SLA2: variants seen among roughly 807,000 people sequenced by gnomAD.
The protein encoded by SLA2 is Src like adaptor 2, also known as src-like-adapter 2.
A neutral mutation model predicts 27.3 loss-of-function variants in SLA2; 22 were observed. The observed-to-expected ratio is 0.81, with a 90% CI of 0.58 to 1.15. The LOEUF (loss-of-function observed/expected upper bound fraction) is 1.15, where lower values mean the gene tolerates loss of function less well. Among genes scored for constraint, SLA2 ranks in the 50% most tolerant of loss-of-function variants. The pLI, the probability that SLA2 is intolerant of heterozygous loss-of-function variation, is 0.00. For synonymous variants in SLA2, 131 were observed against 137.8 expected, an observed-to-expected ratio of 0.95 and a Z score of 0.34; for missense variants, 304 against 322.2, an observed-to-expected ratio of 0.94 and a Z score of 0.43.
At chr20:36,623,060 GGA>G (rs994753473) in intron 5 of SLA2, among the ~76,000 whole-genome samples, 9 of 152,064 alleles carry the variant, frequency 5.9e-5, no homozygotes, top group Non-Finnish European at 1.3e-4. Flanking sequence ...CCTGAGGCCA[GGA>G]GTTCAAGACC....
rs1323036009 is a variant in SLA2, at chr20:36,636,635, T to A, written c.92-2046A>T. Among the ~76,000 whole-genome samples the A allele has an allele frequency of 4.3e-3, 584 of 136,700 alleles. 4 individuals are homozygous for A. The highest frequency in any genetic ancestry group is 0.014 in the African/African-American group (528 of 36,948). The allele number at this position is 136,700 out of a possible 152,430, so 89.7% of individuals were successfully genotyped here. A position where few individuals can be genotyped will look rare whatever the true frequency, so the allele number is the denominator to read the frequency against. On this transcript the variant is annotated intron_variant, in intron 2 of 7. Coordinates refer to ENST00000262866, the MANE Select transcript of SLA2 (RefSeq NM_032214.4). ...AGAAAAAAAAAAAAATATATATATA[T>A]ATATATATATATATATATGGTTGCA...
At chr20:36,618,964 GCCTGTAATCCCAACA>G (rs1458383320) in intron 5 of SLA2, among the ~76,000 whole-genome samples, 1 of 140,516 alleles carries the variant, frequency 7.1e-6, no homozygotes, top group Non-Finnish European at 1.5e-5. Flanking sequence ...GGTGGCTCAC[GCCTGTAATCCCAACA>G]CTTTGGGAGG....
intron 5 of SLA2, 151 bp downstream of exon 5, chr20:36,632,444 C>T (rs2039401793): frequency 6.4e-6 from 4 of 628,824 alleles, no homozygotes; most frequent in Non-Finnish European, 1.1e-5. Flanking sequence ...TTCATATGGG[C>T]AGGACACGGA....
rs746268549 is a variant in SLA2 at position 36,641,384 on chromosome 20, A to C, written c.-43-6T>G. 1 of 1,532,274 alleles carries C rather than the reference A, an allele frequency of 6.5e-7. No homozygotes were observed. 94.9% of individuals were successfully genotyped at this position (1,532,274 alleles called of 1,614,324 possible). A position where few individuals can be genotyped will look rare whatever the true frequency, so the allele number is the denominator to read the frequency against. The stretch of plus-strand genomic sequence containing the variant: ...AGCACATCATCGAGGGAAATCTGAA[A>C]GAGACACAGTGATGGGGACAGAGCC... On this transcript the variant is annotated splice_region_variant and splice_polypyrimidine_tract_variant and intron_variant, in intron 1 of 7. Coordinates refer to ENST00000262866, the MANE Select transcript of SLA2 (RefSeq NM_032214.4).
At chr20:36,630,857 A>G (rs546723079) in intron 5 of SLA2, among the ~76,000 whole-genome samples, 1 of 152,294 alleles carries the variant, frequency 6.6e-6, no homozygotes, top group Non-Finnish European at 1.5e-5. Context: ...GAAGCCCCAC[A>G]TGAATGTGCA....
Position 36,615,270 on chromosome 20 carries a change from G to T in SLA2, c.487C>A (p.Arg163Ser). 6.2e-7 allele frequency: 1 copy of T among 1,614,128 alleles called. No individual in the cohort carries two copies. The highest frequency in any genetic ancestry group is 1.3e-5 in the African/African-American group (1 of 75,026). The change falls in exon 6 of 8, where the codon CGC (arginine) becomes AGC (serine). Residue 163 changes from arginine (R) to serine (S), a missense_variant. Arg to Ser is a moderately radical substitution (Grantham distance 110, BLOSUM62 -1). Transcript: ENST00000262866. ...LDNGWLYISP[R>S]LTFPSLQALV... ...GCCTGGAGTGAGGGGAAGGTGAGGC[G>T]CGGTGAGATGTACAGCCAGCCATTG... is the stretch of plus-strand genomic sequence containing the variant.
Position 36,612,428 on chromosome 20 carries a change from C to T in SLA2, c.*1438G>A, listed in dbSNP as rs1380094851. 8.3e-6 allele frequency: 5 copies of T among 604,916 alleles called. No individual in the cohort carries two copies. The highest frequency in any genetic ancestry group is 1.9e-5 in the African/African-American group (1 of 53,708). 37.5% of individuals were successfully genotyped at this position (604,916 alleles called of 1,614,324 possible). A position where few individuals can be genotyped will look rare whatever the true frequency, so the allele number is the denominator to read the frequency against. On this transcript the variant is annotated 3_prime_UTR_variant, in exon 8 of 8. Transcript: ENST00000262866. ...TGTAGAGTTTTTAAACTATCAATGGCATTTCAAGTCTTCTGAAACAGCATG... is the reference window on the plus strand; with the variant it reads ...TGTAGAGTTTTTAAACTATCAATGGTATTTCAAGTCTTCTGAAACAGCATG...
At chr20:36,623,287 A>AAAAAC (rs2039304115) in intron 5 of SLA2, among the ~76,000 whole-genome samples, 1 of 151,792 alleles carries the variant, frequency 6.6e-6, no homozygotes, top group Non-Finnish European at 1.5e-5. Context: ...AAAAAAAAAA[A>AAAAAC]AAATCGACAG....
rs1175945445 is a variant in SLA2, at chr20:36,637,193, ATT to A, written c.92-2606_92-2605del. Among the ~76,000 whole-genome samples the A allele has an allele frequency of 8.3e-3, 729 of 87,872 alleles. 5 individuals are homozygous for A. The highest frequency in any genetic ancestry group is 0.036 in the African/African-American group (691 of 18,972). 57.6% of individuals were successfully genotyped at this position (87,872 alleles called of 152,430 possible). On this transcript the variant is annotated intron_variant, in intron 2 of 7. Coordinates refer to ENST00000262866, the MANE Select transcript of SLA2 (RefSeq NM_032214.4). Reference sequence around the variant, plus strand: ...CTACCTCTAAGGTGCGCGTGTGTGTATTTTTTTTTTTTTTTTTTTTTTTTTTG... The same window carrying A: ...CTACCTCTAAGGTGCGCGTGTGTGTATTTTTTTTTTTTTTTTTTTTTTTTG...
chr20:36,633,776 C>T (rs1480380777), intron 3 of SLA2, 147 bp from the exon 4 acceptor site: 1 of 628,282 alleles, frequency 1.6e-6, no homozygotes, highest in Non-Finnish European at 2.8e-6. Context: ...ACTAGCCTGT[C>T]CAGGTACCTC....
Position 36,615,219 on chromosome 20 carries a change from C to T in SLA2, c.532+6G>A. 5.6e-6 allele frequency: 9 copies of T among 1,614,068 alleles called. No individual in the cohort carries two copies. The highest frequency in any genetic ancestry group is 6.8e-6 in the Non-Finnish European group (8 of 1,180,008). ...GCCTAGTCCTGGAGGCAGGGAAAGGCCATACCAGAGTAATGGTCCACCAGG... is the reference window on the plus strand; with the variant it reads ...GCCTAGTCCTGGAGGCAGGGAAAGGTCATACCAGAGTAATGGTCCACCAGG... On this transcript the variant is annotated splice_donor_region_variant and intron_variant, in intron 6 of 7. Transcript: ENST00000262866.
At chr20:36,618,336 A>G (rs2039239198) in intron 5 of SLA2, among the ~76,000 whole-genome samples, 1 of 151,444 alleles carries the variant, frequency 6.6e-6, no homozygotes. Flanking sequence ...TTTCAGGTTC[A>G]GGTGATTCTC....
chr20:36,630,700 T>C (rs59586574), intron 5 of SLA2, among the ~76,000 whole-genome samples: 4,708 of 152,282 alleles, frequency 0.031, 244 homozygotes, highest in African/African-American at 0.11. Flanking sequence ...GGGCTTAACA[T>C]AAACGTGGGG....
chr20:36,635,557 T>C (rs1330956705), intron 2 of SLA2, among the ~76,000 whole-genome samples: 1 of 151,906 alleles, frequency 6.6e-6, no homozygotes, highest in Non-Finnish European at 1.5e-5. Context: ...ATTCTGGAAA[T>C]GGACTAGTTC....
At chr20:36,615,460 G>T in intron 5 of SLA2, 86 bp from the exon 6 acceptor site, 1 of 1,562,702 alleles carries the variant, frequency 6.4e-7, no homozygotes, top group South Asian at 1.1e-5. Flanking sequence ...TAGGCAACGT[G>T]ACCATGGGGC....
intron 6 of SLA2, 54 bp from the exon 7 acceptor site, chr20:36,614,491 A>C: frequency 6.5e-7 from 1 of 1,544,220 alleles, no homozygotes; most frequent in Admixed American, 2.0e-5. Flanking sequence ...ACTTCTCCCC[A>C]ACAGCCCTCA....
chr20:36,626,618 C>T (rs905150258), intron 5 of SLA2, among the ~76,000 whole-genome samples: 4 of 150,780 alleles, frequency 2.7e-5, no homozygotes, highest in East Asian at 2.0e-4. Flanking sequence ...GAGGCCCAGA[C>T]GGGCAGATCA....
Position 36,612,502 on chromosome 20 carries a change from GTT to G in SLA2, c.*1362_*1363del. 1 of 461,354 alleles carries G rather than the reference GTT, an allele frequency of 2.2e-6. No homozygotes were observed. The highest frequency in any genetic ancestry group is 4.0e-6 in the Non-Finnish European group (1 of 251,968). 28.6% of individuals were successfully genotyped at this position (461,354 alleles called of 1,614,324 possible). On this transcript the variant is annotated 3_prime_UTR_variant, in exon 8 of 8. Coordinates refer to ENST00000262866, the MANE Select transcript of SLA2 (RefSeq NM_032214.4). Reference sequence around the variant, plus strand: ...ACAGTACATGCAGCATCTAATAAGAGTTTCCATTGTAGAATGTTTTCACATAC... The same window carrying G: ...ACAGTACATGCAGCATCTAATAAGAGTCCATTGTAGAATGTTTTCACATAC...
intron 5 of SLA2, chr20:36,620,925 A>G: frequency 3.2e-6 from 1 of 310,602 alleles, no homozygotes; most frequent in Non-Finnish European, 6.4e-6. Context: ...CTTACTAAAT[A>G]ACAGAGGTAG....
Sources: allele counts gnomAD v4.1 joint callset (sites outside exome capture counted in the v4.1 genomes callset), GRCh38; gene constraint gnomAD v4.1.1; transcripts MANE v1.5; gene names NCBI Gene and HGNC (gene_info 2026-07-23, HGNC 2026-07-21).